COL26A1: variants seen among roughly 807,000 people sequenced by gnomAD.
The protein encoded by COL26A1 is collagen alpha-1(XXVI) chain.
COL26A1 carries 41 observed loss-of-function variants against 59.3 expected under a neutral mutation model. The ratio of observed to expected loss-of-function variants is 0.69; its 90% confidence interval spans 0.54 to 0.90. COL26A1 has a LOEUF of 0.90. Among genes scored for constraint, COL26A1 ranks in the 40% least tolerant of loss-of-function variants. COL26A1 has a pLI of 0.00. For missense variants in COL26A1, 612 were observed against 602.3 expected, an observed-to-expected ratio of 1.02 and a Z score of -0.17; for synonymous variants, 266 against 256.0, an observed-to-expected ratio of 1.04 and a Z score of -0.37.
At chr7:101,466,833 T>TGA (rs1554416665) in intron 3 of COL26A1, among the ~76,000 whole-genome samples, 6 of 111,660 alleles carry the variant, frequency 5.4e-5, no homozygotes, top group African/African-American at 2.5e-4. Flanking sequence ...TGTGTGTGTG[T>TGA]GTGTGAGAGA....
intron 1 of COL26A1, among the ~76,000 whole-genome samples, chr7:101,406,051 C>T (rs998349202): frequency 2.0e-5 from 3 of 152,192 alleles, no homozygotes; most frequent in South Asian, 2.1e-4. Context: ...CCCTCCTCCC[C>T]GGATGGAAAT....
At chr7:101,481,112 C>G (rs1794144706) in intron 3 of COL26A1, among the ~76,000 whole-genome samples, 1 of 152,078 alleles carries the variant, frequency 6.6e-6, no homozygotes, top group Non-Finnish European at 1.5e-5. Flanking sequence ...GGGAGATTTT[C>G]TTTTTAAATT....
At chr7:101,515,148 G>C (rs1029260610) in intron 3 of COL26A1, among the ~76,000 whole-genome samples, 5 of 152,214 alleles carry the variant, frequency 3.3e-5, no homozygotes, top group African/African-American at 1.2e-4. Context: ...GCAGACAAGA[G>C]CCCCAATTTA....
intron 4 of COL26A1, among the ~76,000 whole-genome samples, chr7:101,539,468 G>A (rs1795560455): frequency 1.3e-5 from 2 of 152,090 alleles, no homozygotes; most frequent in Admixed American, 1.3e-4. Flanking sequence ...TGGGACTGCA[G>A]GCGTGTGCCA....
At chr7:101,492,039 C>G (rs1444759548) in intron 3 of COL26A1, among the ~76,000 whole-genome samples, 2 of 152,002 alleles carry the variant, frequency 1.3e-5, no homozygotes, top group Non-Finnish European at 1.5e-5. Context: ...GGGGAAAATC[C>G]TGCTGGGATG....
At chr7:101,525,749 G>T (rs1336535739) in intron 3 of COL26A1, among the ~76,000 whole-genome samples, 1 of 152,100 alleles carries the variant, frequency 6.6e-6, no homozygotes, top group Non-Finnish European at 1.5e-5. Context: ...GCCCACCTTG[G>T]CCTCCCAAAG....
At chr7:101,362,757 C>T, upstream of COL26A1, 3 of 490,062 alleles carry the variant, frequency 6.1e-6, no homozygotes, top group South Asian at 5.0e-5. Flanking sequence ...GCTCTGCCGC[C>T]ACTGCCGCCT....
intron 3 of COL26A1, among the ~76,000 whole-genome samples, chr7:101,463,521 C>G (rs1421258849): frequency 3.0e-5 from 3 of 101,248 alleles, no homozygotes; most frequent in African/African-American, 4.4e-5. Context: ...CCCTTCCCCC[C>G]TCTTCCCCCT....
chr7:101,430,285 CTCTT>C lies in COL26A1; in HGVS notation c.281+10201_281+10204del, dbSNP rs752235478. Among the ~76,000 whole-genome samples the C allele has an allele frequency of 1.1e-3, 164 of 151,480 alleles. 3 individuals carry two copies. In the East Asian group the frequency reaches 0.026, roughly 24 times the overall value. On this transcript the variant is annotated intron_variant, in intron 2 of 12. Transcript: ENST00000313669. ...ATTTTTAATTTCTTTCTCTCTTTCT[CTCTT>C]TCTTTCTTTCTTTCGACGGAGTCTC...
intron 1 of COL26A1, among the ~76,000 whole-genome samples, chr7:101,374,749 C>T (rs1791270267): frequency 6.6e-6 from 1 of 152,116 alleles, no homozygotes; most frequent in African/African-American, 2.4e-5. Flanking sequence ...ATTACAATGT[C>T]ATAATAATAG....
intron 2 of COL26A1, among the ~76,000 whole-genome samples, chr7:101,433,260 G>A (rs913816057): frequency 1.3e-5 from 2 of 152,136 alleles, no homozygotes; most frequent in African/African-American, 4.8e-5. Flanking sequence ...TAAGGTAGAA[G>A]TTGTAGTGAA....
intron 3 of COL26A1, among the ~76,000 whole-genome samples, chr7:101,448,718 C>T (rs1454761787): frequency 1.3e-5 from 2 of 152,140 alleles, no homozygotes; most frequent in Admixed American, 1.3e-4. Context: ...TCTCGAACTC[C>T]TTGGATCAAG....
chr7:101,387,759 TA>T (rs1791619785), intron 1 of COL26A1, among the ~76,000 whole-genome samples: 3 of 44,336 alleles, frequency 6.8e-5, no homozygotes, highest in Non-Finnish European at 1.1e-4. Flanking sequence ...TATATTTATA[TA>T]TATATATATA....
intron 1 of COL26A1, among the ~76,000 whole-genome samples, chr7:101,403,378 G>A (rs921502407): frequency 6.6e-6 from 1 of 152,052 alleles, no homozygotes; most frequent in African/African-American, 2.4e-5. Flanking sequence ...AATTAGTGGG[G>A]TGTGGTGGTA....
chr7:101,474,902 A>G (rs138070455), intron 3 of COL26A1, among the ~76,000 whole-genome samples: 2 of 152,292 alleles, frequency 1.3e-5, no homozygotes, highest in East Asian at 3.9e-4. Flanking sequence ...CAAAAAGAGT[A>G]TGATCTCAGG....
intron 3 of COL26A1, among the ~76,000 whole-genome samples, chr7:101,492,000 C>T (rs570123043): frequency 4.0e-4 from 61 of 152,194 alleles, no homozygotes; most frequent in Non-Finnish European, 7.5e-4. Flanking sequence ...TTTGGTACAA[C>T]AGGATGGGTG....
chr7:101,547,091 G>A, intron 7 of COL26A1, 65 bp from the exon 8 acceptor site: 1 of 1,221,608 alleles, frequency 8.2e-7, no homozygotes, highest in Non-Finnish European at 1.2e-6. Context: ...CAGTGCCCCG[G>A]ACCAGCCTCC....
intron 1 of COL26A1, among the ~76,000 whole-genome samples, chr7:101,386,941 G>A (rs1791590999): frequency 6.6e-6 from 1 of 152,142 alleles, no homozygotes; most frequent in South Asian, 2.1e-4. Flanking sequence ...CTGTCTCAGC[G>A]TCGGACAGAG....
chr7:101,392,553 C>G (rs1791759023), intron 1 of COL26A1, among the ~76,000 whole-genome samples: 1 of 151,928 alleles, frequency 6.6e-6, no homozygotes, highest in Non-Finnish European at 1.5e-5. Context: ...TGGTGCCCAC[C>G]ACCATACCTG....
Sources: gnomAD v4.1 joint callset for allele counts (sites outside exome capture counted in the v4.1 genomes callset) on GRCh38, gnomAD v4.1.1 for gene constraint, MANE v1.5 for transcripts, NCBI Gene and HGNC (gene_info 2026-07-23, HGNC 2026-07-21) for gene names.